Variants in ZNF723 observed in about 807,000 individuals in gnomAD.
ZNF723 encodes the protein zinc finger protein 723, also known as zinc finger protein 723, pseudogene.
A neutral mutation model predicts 9.4 loss-of-function variants in ZNF723; 5 were observed. The ratio of observed to expected loss-of-function variants is 0.53; its 90% CI spans 0.28 to 1.12. The LOEUF (loss-of-function observed/expected upper bound fraction) is 1.12. ZNF723 is among the 50% of genes most tolerant of loss of function. ZNF723 has a pLI of 0.10. For synonymous variants in ZNF723, 158 were observed against 168.8 expected (o/e 0.94, Z 0.49); for missense variants, 450 against 501.5 (o/e 0.90, Z 0.98).
At chr19:22,813,751 A>C in the ZNF723 span, among the ~76,000 whole-genome samples, 1 of 152,016 alleles carries the variant, frequency 6.6e-6, no homozygotes, top group Non-Finnish European at 1.5e-5. Flanking sequence ...AAAAACAAAC[A>C]AACAAACAAA....
chr19:22,838,281 C>T (rs1249565045), intron 1 of ZNF723, among the ~76,000 whole-genome samples: 4 of 152,222 alleles, frequency 2.6e-5, no homozygotes, highest in East Asian at 1.9e-4. Flanking sequence ...GAGCCGGGCA[C>T]GGTGGCTCAC....
the ZNF723 span, among the ~76,000 whole-genome samples, chr19:22,824,189 C>T: frequency 6.6e-6 from 1 of 152,176 alleles, no homozygotes; most frequent in African/African-American, 2.4e-5. Context: ...ACAATCCTCT[C>T]TTGCCTGGGC....
intron 1 of ZNF723, among the ~76,000 whole-genome samples, chr19:22,842,588 G>C (rs1045849650): frequency 1.3e-5 from 2 of 152,136 alleles, no homozygotes; most frequent in African/African-American, 4.8e-5. Flanking sequence ...TTGCTCCCAG[G>C]TTACAATCCT....
At chr19:22,836,516 T>C (rs1384683050) in intron 1 of ZNF723, among the ~76,000 whole-genome samples, 1 of 152,094 alleles carries the variant, frequency 6.6e-6, no homozygotes, top group Non-Finnish European at 1.5e-5. Flanking sequence ...AAGAAGGTGG[T>C]AGGGGAATGG....
intron 3 of ZNF723, among the ~76,000 whole-genome samples, chr19:22,849,588 G>A (rs1967364650): frequency 6.6e-6 from 1 of 152,036 alleles, no homozygotes; most frequent in Non-Finnish European, 1.5e-5. Flanking sequence ...TATTTTCAAG[G>A]GAACCATAAA....
At chr19:22,816,665 G>T in the ZNF723 span, among the ~76,000 whole-genome samples, 4 of 150,406 alleles carry the variant, frequency 2.7e-5, no homozygotes, top group Non-Finnish European at 5.9e-5. Context: ...GTGACATCTT[G>T]CTGCATCCAG....
In ZNF723 at chr19:22,843,754, C is replaced by T. The variant is rs116362815; in HGVS notation, c.4-4507C>T. On this transcript the variant is annotated intron_variant, in intron 1 of 3. Transcript: ENST00000600766. ...ACAGAAGAGTTGTTATTATTATATG[C>T]GTTTCTATTACCTGCTAAGAATACA... is the stretch of plus-strand genomic sequence containing the variant. Among the ~76,000 whole-genome samples, 847 of 152,154 alleles carry T rather than the reference C, an allele frequency of 5.6e-3. 8 individuals carry two copies. Among genetic ancestry groups the T allele is most frequent in the African/African-American group, 0.02 (816 of 41,516 alleles).
At chr19:22,847,919 G>A (rs139505285) in intron 1 of ZNF723, among the ~76,000 whole-genome samples, 2 of 151,934 alleles carry the variant, frequency 1.3e-5, no homozygotes, top group African/African-American at 4.8e-5. Flanking sequence ...TGGCCAATAT[G>A]ATGAAACCCC....
chr19:22,841,882 C>CA (rs1253972616), intron 1 of ZNF723, among the ~76,000 whole-genome samples: 21 of 148,982 alleles, frequency 1.4e-4, no homozygotes, highest in East Asian at 3.9e-4. Flanking sequence ...ATCTGGGAAC[C>CA]AAAAAAAAAG....
chr19:22,833,926 CTTTTTTT>C (rs34792208), intron 1 of ZNF723, among the ~76,000 whole-genome samples: 2 of 89,316 alleles, frequency 2.2e-5, no homozygotes, highest in East Asian at 7.2e-4. Context: ...TTTTAGCGTA[CTTTTTTT>C]TTTTTTTTTT....
intron 1 of ZNF723, among the ~76,000 whole-genome samples, chr19:22,833,054 T>A (rs400275): frequency 0.19 from 29,098 of 152,132 alleles, 3,306 homozygotes; most frequent in African/African-American, 0.31. Context: ...AGTAATTTTT[T>A]AAAAATAAAT....
rs535207537 is a variant in ZNF723, at chr19:22,855,528, C to T, written c.227-1590C>T. ...ACAGGTGTGAGTCACCACACCTGGC[C>T]TGTCATTTTCTTGAATCATATTATT... is the stretch of plus-strand genomic sequence containing the variant. On this transcript the variant is annotated intron_variant, in intron 3 of 3. Transcript: ENST00000600766. Among the ~76,000 whole-genome samples, 34 of 152,228 alleles carry T rather than the reference C, an allele frequency of 2.2e-4. 1 individual carries two copies. The South Asian group carries it at 7.0e-3, about 32-fold the overall frequency.
At chr19:22,834,208 G>T (rs1008620092) in intron 1 of ZNF723, among the ~76,000 whole-genome samples, 1 of 152,020 alleles carries the variant, frequency 6.6e-6, no homozygotes, top group South Asian at 2.1e-4. Context: ...GAGCCACTGC[G>T]CCCAGCCTGG....
At chr19:22,828,424 G>T (rs767096413), upstream of ZNF723, among the ~76,000 whole-genome samples, 10 of 152,156 alleles carry the variant, frequency 6.6e-5, no homozygotes, top group Non-Finnish European at 1.3e-4. Flanking sequence ...GGACGCCGGG[G>T]CGGGCAGATC....
At chr19:22,827,808 C>T (rs1019071691), upstream of ZNF723, among the ~76,000 whole-genome samples, 16 of 152,086 alleles carry the variant, frequency 1.1e-4, no homozygotes, top group Non-Finnish European at 1.6e-4. Context: ...GGCGTGGTGG[C>T]TCACACCTGT....
chr19:22,820,241 C>A, the ZNF723 span, among the ~76,000 whole-genome samples: 10 of 152,066 alleles, frequency 6.6e-5, no homozygotes, highest in African/African-American at 2.4e-4. Context: ...TGCACGCTGC[C>A]CATAGGAAAA....
Position 22,850,531 on chromosome 19 carries a change from A to G in ZNF723, c.226+1238A>G, listed in dbSNP as rs1264535265. On this transcript the variant is annotated intron_variant, in intron 3 of 3. Transcript: ENST00000600766. Reference sequence around the variant, plus strand: ...TCTTTTTACTGAGATGGAGTTTTGCACTTGCTGCCCAGGCTGGAGTGCAAT... The same window carrying G: ...TCTTTTTACTGAGATGGAGTTTTGCGCTTGCTGCCCAGGCTGGAGTGCAAT... Among the ~76,000 whole-genome samples, 3 of 117,170 alleles carry G rather than the reference A, an allele frequency of 2.6e-5. No individual in the cohort carries two copies. In the South Asian group the frequency reaches 8.6e-4, roughly 34 times the overall value. The allele number at this position is 117,170 out of a possible 152,430, so 76.9% of individuals were successfully genotyped here.
intron 1 of ZNF723, among the ~76,000 whole-genome samples, chr19:22,844,913 C>T (rs182720357): frequency 1.4e-4 from 21 of 152,114 alleles, no homozygotes; most frequent in Admixed American, 2.6e-4. Flanking sequence ...GTCAGGAGAT[C>T]GAGACCATCC....
chr19:22,819,276 T>C, the ZNF723 span, among the ~76,000 whole-genome samples: 1 of 152,230 alleles, frequency 6.6e-6, no homozygotes, highest in Non-Finnish European at 1.5e-5. Context: ...CTTTACTCTT[T>C]TGCCTGGGCT....
Sources: gnomAD v4.1 joint callset for allele counts (sites outside exome capture counted in the v4.1 genomes callset) on GRCh38, gnomAD v4.1.1 for gene constraint, MANE v1.5 for transcripts, NCBI Gene and HGNC (gene_info 2026-07-23, HGNC 2026-07-21) for gene names.